Variants in FLACC1 observed in about 807,000 individuals in gnomAD.
FLACC1 encodes flagellum-associated coiled-coil domain-containing protein 1.
A neutral mutation model predicts 62.8 loss-of-function variants in FLACC1; 66 were observed. That is an observed-to-expected ratio of 1.05 (90% CI 0.86 to 1.29). The LOEUF (loss-of-function observed/expected upper bound fraction) is 1.29. Ranked by LOEUF, FLACC1 falls within the 50% of genes most tolerant of loss-of-function variation. The pLI, the probability that FLACC1 is intolerant of heterozygous loss-of-function variation, is 0.00. For missense variants in FLACC1, 452 were observed against 489.1 expected (o/e 0.92, Z 0.71); for synonymous variants, 156 against 161.0 (o/e 0.97, Z 0.24).
intron 9 of FLACC1, among the ~76,000 whole-genome samples, chr2:201,317,495 G>C (rs1236465643): frequency 6.6e-6 from 1 of 152,154 alleles, no homozygotes; most frequent in South Asian, 2.1e-4. Flanking sequence ...CCTAACCAAG[G>C]AGTTGTAAGA....
Position 201,323,803 on chromosome 2 carries a change from AG to A in FLACC1, c.675+6666del, listed in dbSNP as rs1311024953. Among the ~76,000 whole-genome samples the A allele has an allele frequency of 9.8e-4, 123 of 125,244 alleles. 2 individuals are homozygous for A. Among genetic ancestry groups the A allele is most frequent in the African/African-American group, 3.0e-3 (98 of 32,690 alleles). The allele number at this position is 125,244 out of a possible 152,430, so 82.2% of individuals were successfully genotyped here. A position where few individuals can be genotyped will look rare whatever the true frequency, so the allele number is the denominator to read the frequency against. ...CTCTATCAAAAAAAAAAAAAAAAAA[AG>A]TAAGGAAGGAAGGAAGGAAAGAAAA... On this transcript the variant is annotated intron_variant, in intron 9 of 14. Transcript: ENST00000392257.
intron 12 of FLACC1, among the ~76,000 whole-genome samples, chr2:201,298,631 C>T (rs1949915305): frequency 6.6e-6 from 1 of 152,170 alleles, no homozygotes; most frequent in African/African-American, 2.4e-5. Context: ...GAAGCCCTGC[C>T]TGGGCTCTAA....
intron 1 of FLACC1, chr2:201,351,693 C>G (rs1951032202): frequency 3.4e-6 from 1 of 291,478 alleles, no homozygotes. Context: ...CCTGTAATCC[C>G]AGCACTTTGG....
chr2:201,347,065 T>A (rs1950930386), intron 4 of FLACC1, among the ~76,000 whole-genome samples: 1 of 152,246 alleles, frequency 6.6e-6, no homozygotes, highest in Admixed American at 6.5e-5. Context: ...TCTCTGTGCC[T>A]CAGTTTCCTT....
At position 201,288,656 on chromosome 2, in the gene FLACC1, T is replaced by G. The variant is rs1197193733; in HGVS notation, c.1268A>C (p.Ter423SerextTer17). The G allele has an allele frequency of 6.2e-7, 1 of 1,613,624 alleles. No individual in the cohort carries two copies. The highest frequency in any genetic ancestry group is 1.3e-5 in the African/African-American group (1 of 75,058). The change falls in exon 15 of 15, where the codon TAA (stop) becomes TCA (serine). Residue 423 changes from the stop codon to serine, a stop_lost. Transcript: ENST00000392257. The part of the protein sequence containing the change: ...QDGSKKGQES[*>S] Reference sequence around the variant, plus strand: ...CAACAATGCAGAGCAACTTTTTGTTTATGATTCTTGTCCTTTCTTGCTACC... The same window carrying G: ...CAACAATGCAGAGCAACTTTTTGTTGATGATTCTTGTCCTTTCTTGCTACC...
chr2:201,308,144 G>A (rs746419324), intron 10 of FLACC1, among the ~76,000 whole-genome samples: 2 of 152,216 alleles, frequency 1.3e-5, no homozygotes, highest in Non-Finnish European at 2.9e-5. Context: ...TGGACAGGGA[G>A]TCTCTGGTCT....
At chr2:201,309,905 C>CAAAAAAAAA (rs1161849891) in intron 9 of FLACC1, among the ~76,000 whole-genome samples, 26 of 44,644 alleles carry the variant, frequency 5.8e-4, no homozygotes, top group Non-Finnish European at 7.6e-4. Context: ...GACTCTGTCT[C>CAAAAAAAAA]AAAAAAAAAA....
chr2:201,313,767 G>C (rs998924757), intron 9 of FLACC1, among the ~76,000 whole-genome samples: 1 of 152,124 alleles, frequency 6.6e-6, no homozygotes, highest in Non-Finnish European at 1.5e-5. Flanking sequence ...CACAAAAATA[G>C]TGCATTAAAT....
intron 3 of FLACC1, among the ~76,000 whole-genome samples, chr2:201,349,591 A>G (rs1469403612): frequency 6.6e-6 from 1 of 152,250 alleles, no homozygotes; most frequent in Non-Finnish European, 1.5e-5. Flanking sequence ...ATAGGTGGTC[A>G]ATAAATATTT....
At chr2:201,342,745 T>A (rs1299176202) in intron 6 of FLACC1, among the ~76,000 whole-genome samples, 3 of 152,242 alleles carry the variant, frequency 2.0e-5, no homozygotes, top group African/African-American at 4.8e-5. Flanking sequence ...TTCTGTTACA[T>A]CATGGCCTTC....
At chr2:201,291,195 C>G (rs1393411485) in intron 12 of FLACC1, among the ~76,000 whole-genome samples, 2 of 152,194 alleles carry the variant, frequency 1.3e-5, no homozygotes, top group African/African-American at 4.8e-5. Flanking sequence ...TCCCAGCACG[C>G]AGCTTGAGAT....
chr2:201,336,834 G>A (rs1950704996), intron 7 of FLACC1, among the ~76,000 whole-genome samples: 1 of 151,942 alleles, frequency 6.6e-6, no homozygotes, highest in Non-Finnish European at 1.5e-5. Context: ...TTTTATAATA[G>A]CCATTCTAAC....
At chr2:201,291,598 A>C (rs944892031) in intron 12 of FLACC1, among the ~76,000 whole-genome samples, 1 of 152,240 alleles carries the variant, frequency 6.6e-6, no homozygotes, top group African/African-American at 2.4e-5. Context: ...GAAAAACTGA[A>C]AATTCTAAAA....
chr2:201,358,411 A>AT (rs529458487), upstream of FLACC1, among the ~76,000 whole-genome samples: 6,026 of 120,180 alleles, frequency 0.05, 280 homozygotes, highest in African/African-American at 0.095. Context: ...TGCCCAGCTA[A>AT]TTTTTTTTTT....
intron 9 of FLACC1, among the ~76,000 whole-genome samples, chr2:201,310,131 T>A (rs1176575143): frequency 6.6e-6 from 1 of 152,058 alleles, no homozygotes; most frequent in African/African-American, 2.4e-5. Context: ...TGGACCTGGA[T>A]GACACTAGTA....
intron 9 of FLACC1, among the ~76,000 whole-genome samples, chr2:201,322,008 C>G (rs1175908909): frequency 2.0e-5 from 3 of 152,178 alleles, no homozygotes; most frequent in African/African-American, 7.2e-5. Flanking sequence ...GTGGCTCATG[C>G]CTGTAATCCC....
At chr2:201,294,685 G>A (rs1949818575) in intron 12 of FLACC1, among the ~76,000 whole-genome samples, 1 of 152,174 alleles carries the variant, frequency 6.6e-6, no homozygotes, top group South Asian at 2.1e-4. Context: ...AATGAGGCAG[G>A]AGAAGGAAAT....
intron 7 of FLACC1, among the ~76,000 whole-genome samples, chr2:201,339,337 C>T (rs565566753): frequency 2.0e-5 from 3 of 151,858 alleles, no homozygotes; most frequent in Non-Finnish European, 4.4e-5. Context: ...ACTGGTTTAT[C>T]AATTTGGTTT....
At chr2:201,343,436 C>A (rs565483888) in intron 6 of FLACC1, among the ~76,000 whole-genome samples, 2 of 152,044 alleles carry the variant, frequency 1.3e-5, no homozygotes, top group South Asian at 2.1e-4. Flanking sequence ...AGTTGGCAGG[C>A]GGAGGAGGGT....
Sources: gnomAD v4.1 joint callset for allele counts (sites outside exome capture counted in the v4.1 genomes callset) on GRCh38, gnomAD v4.1.1 for gene constraint, MANE v1.5 for transcripts, NCBI Gene and HGNC (gene_info 2026-07-23, HGNC 2026-07-21) for gene names.